Variants in HMOX2 observed in about 807,000 individuals in gnomAD.
The protein encoded by HMOX2 is heme oxygenase (decycling) 2.
In HMOX2, 30 loss-of-function variants were observed where a neutral mutation model predicts 33.7. The observed-to-expected ratio is 0.89, with a 90% confidence interval of 0.67 to 1.21. HMOX2 has a LOEUF of 1.21. Among genes scored for constraint, HMOX2 ranks in the 50% most tolerant of loss-of-function variants. The pLI, the probability that HMOX2 is intolerant of heterozygous loss-of-function variation, is 0.00. For missense variants in HMOX2, 403 were observed against 399.1 expected (o/e 1.01, Z -0.08); for synonymous variants, 155 against 155.0 (o/e 1.00, Z 0.00).
chr16:4,491,799 C>T (rs1023520946), intron 1 of HMOX2, among the ~76,000 whole-genome samples: 1 of 151,886 alleles, frequency 6.6e-6, no homozygotes, highest in African/African-American at 2.4e-5. Context: ...ACCTCCACCT[C>T]CCAGGTTCTG....
At chr16:4,485,289 A>C (rs1325449092) in intron 1 of HMOX2, among the ~76,000 whole-genome samples, 2 of 151,882 alleles carry the variant, frequency 1.3e-5, no homozygotes, top group Non-Finnish European at 2.9e-5. Context: ...TTTTAATCTG[A>C]GGTTGGTTGA....
chr16:4,501,587 G>A (rs1164387618), intron 1 of HMOX2, among the ~76,000 whole-genome samples: 1 of 152,090 alleles, frequency 6.6e-6, no homozygotes, highest in East Asian at 1.9e-4. Context: ...TTTTGTGGGG[G>A]TGGGGAACAT....
chr16:4,481,045 A>G (rs563019306), intron 1 of HMOX2, among the ~76,000 whole-genome samples: 4 of 151,346 alleles, frequency 2.6e-5, no homozygotes, highest in African/African-American at 2.4e-5. Context: ...AGAAGGTACT[A>G]GTGTGATTAA....
chr16:4,484,650 G>A (rs2058121379), intron 1 of HMOX2, among the ~76,000 whole-genome samples: 1 of 151,636 alleles, frequency 6.6e-6, no homozygotes, highest in East Asian at 2.0e-4. Context: ...TAGTAGAGGT[G>A]AGGTTTCACC....
At chr16:4,501,962 C>T (rs2058570003) in intron 1 of HMOX2, among the ~76,000 whole-genome samples, 2 of 152,308 alleles carry the variant, frequency 1.3e-5, no homozygotes, top group Admixed American at 1.3e-4. Context: ...TTCAGCCCGC[C>T]TTGAGAACTC....
At chr16:4,487,599 C>T (rs1286322864) in intron 1 of HMOX2, among the ~76,000 whole-genome samples, 2 of 151,908 alleles carry the variant, frequency 1.3e-5, no homozygotes, top group East Asian at 1.9e-4. Context: ...GTCAGGAGAT[C>T]GAGACCATCC....
At chr16:4,501,052 A>C (rs1019677963) in intron 1 of HMOX2, among the ~76,000 whole-genome samples, 7 of 152,134 alleles carry the variant, frequency 4.6e-5, no homozygotes, top group Non-Finnish European at 1.0e-4. Flanking sequence ...AGGACCCAGG[A>C]GCTTCCATTG....
chr16:4,506,992 A>G lies in HMOX2; in HGVS notation c.184A>G (p.Ile62Val). 1 of 1,609,522 alleles carries G rather than the reference A, an allele frequency of 6.2e-7. No individual in the cohort carries two copies. The highest frequency in any genetic ancestry group is 1.1e-5 in the South Asian group (1 of 91,006). Residue 62 changes from isoleucine (I) to valine (V), a missense_variant, in exon 3 of 6, where the codon ATT becomes GTT. Transcript: ENST00000570646. Reference protein sequence around the residue: ...QFVKDFLKGNIKKELFKLATT... With the variant: ...QFVKDFLKGNVKKELFKLATT... Reference sequence around the variant, plus strand: ...TGTCAAGGACTTCTTGAAAGGCAACATTAAGAAGGAGCTGTTTAAGGTTTG... The same window carrying G: ...TGTCAAGGACTTCTTGAAAGGCAACGTTAAGAAGGAGCTGTTTAAGGTTTG...
At chr16:4,482,392 CACA>C (rs1363628243) in intron 1 of HMOX2, among the ~76,000 whole-genome samples, 1 of 152,156 alleles carries the variant, frequency 6.6e-6, no homozygotes, top group African/African-American at 2.4e-5. Flanking sequence ...AGTCACTCAA[CACA>C]ACACTTCTGA....
intron 1 of HMOX2, among the ~76,000 whole-genome samples, chr16:4,486,732 G>T (rs1246713853): frequency 6.6e-6 from 1 of 152,204 alleles, no homozygotes. Context: ...CGTGCCCAGA[G>T]CCACTGGTCA....
At chr16:4,496,512 C>G (rs571347966) in intron 1 of HMOX2, 17 of 152,200 alleles carry the variant, frequency 1.1e-4, no homozygotes, top group Non-Finnish European at 2.5e-4. Flanking sequence ...GGTACGAGTG[C>G]CTCTGTAGCC....
intron 1 of HMOX2, among the ~76,000 whole-genome samples, chr16:4,497,265 G>A (rs1446253115): frequency 6.6e-6 from 1 of 152,132 alleles, no homozygotes; most frequent in Non-Finnish European, 1.5e-5. Context: ...TTCAGTGTTG[G>A]AATAATTTTT....
At chr16:4,505,759 C>A in intron 2 of HMOX2, 149 bp downstream of exon 2, 1 of 566,606 alleles carries the variant, frequency 1.8e-6, no homozygotes, top group South Asian at 2.6e-5. Flanking sequence ...CTGCAGGGAC[C>A]GCATACAGCT....
At chr16:4,492,049 A>G (rs1159199587) in intron 1 of HMOX2, among the ~76,000 whole-genome samples, 1 of 152,136 alleles carries the variant, frequency 6.6e-6, no homozygotes, top group African/African-American at 2.4e-5. Flanking sequence ...GGCAGCATCA[A>G]AACTACACTA....
At chr16:4,500,506 G>A (rs975673236) in intron 1 of HMOX2, among the ~76,000 whole-genome samples, 1 of 152,112 alleles carries the variant, frequency 6.6e-6, no homozygotes, top group Non-Finnish European at 1.5e-5. Context: ...TCAGTCTGCT[G>A]TTGCTTACTC....
At chr16:4,497,652 G>A (rs2058454903) in intron 1 of HMOX2, among the ~76,000 whole-genome samples, 1 of 152,106 alleles carries the variant, frequency 6.6e-6, no homozygotes, top group Non-Finnish European at 1.5e-5. Context: ...TTCACTGCTT[G>A]CTCAGTTGTA....
Position 4,509,466 on chromosome 16 carries a change from G to A in HMOX2, c.751G>A (p.Asp251Asn), listed in dbSNP as rs755713565. Residue 251 changes from aspartate to asparagine, a missense_variant, in exon 5 of 6, where the codon GAT (aspartate) becomes AAT (asparagine). Transcript: ENST00000570646. ...CACACTGGCCAGAGAGACCTTGGAG[G>A]ATGGGTTCCCTGTACACGATGGGAA... ...GSTLARETLE[D>N]GFPVHDGKGD... The A allele has an allele frequency of 6.2e-6, 10 of 1,614,206 alleles. 1 individual carries two copies. In the South Asian group the frequency reaches 9.9e-5, roughly 16 times the overall value.
chr16:4,477,575 C>T (rs1355917264), intron 1 of HMOX2, among the ~76,000 whole-genome samples: 1 of 149,812 alleles, frequency 6.7e-6, no homozygotes, highest in Non-Finnish European at 1.5e-5. Context: ...TCCTTACGTA[C>T]TGTGTTTTGT....
chr16:4,488,334 T>C (rs981479832), intron 1 of HMOX2, among the ~76,000 whole-genome samples: 4 of 152,188 alleles, frequency 2.6e-5, no homozygotes, highest in Admixed American at 2.6e-4. Flanking sequence ...ATAATGATGT[T>C]TGACCAGTTC....
Sources: gnomAD v4.1 joint callset for allele counts (sites outside exome capture counted in the v4.1 genomes callset) on GRCh38, gnomAD v4.1.1 for gene constraint, MANE v1.5 for transcripts, NCBI Gene and HGNC (gene_info 2026-07-23, HGNC 2026-07-21) for gene names.